Variants in CFAP418 observed in about 807,000 individuals in gnomAD.
The protein encoded by CFAP418 is cilia and flagella associated protein 418, also known as cilia- and flagella-associated protein 418.
A neutral mutation model predicts 24.7 loss-of-function variants in CFAP418; 27 were observed. The ratio of observed to expected loss-of-function variants is 1.09; its 90% CI spans 0.81 to 1.51. The LOEUF is 1.51. Ranked by LOEUF, CFAP418 falls within the 40% of genes most tolerant of loss-of-function variation. The pLI, the probability that CFAP418 is intolerant of heterozygous loss-of-function variation, is 0.00. For missense variants in CFAP418, 257 were observed against 255.2 expected, an observed-to-expected ratio of 1.01 and a Z score of -0.05; for synonymous variants, 74 against 87.3, an observed-to-expected ratio of 0.85 and a Z score of 0.85.
At position 95,245,882 on chromosome 8, in the gene CFAP418, C is replaced by T. The variant is rs1811612339; in HGVS notation, c.*1735G>A. ...ATCTTGTTGCTCTGCTATTTTTTTC[C>T]AGCAGTCGACTTCAATCGACATCCC... On this transcript the variant is annotated 3_prime_UTR_variant, in exon 6 of 6. Transcript: ENST00000286688. 6.7e-6 allele frequency: 1 copy of T among 149,502 alleles called. No individual in the cohort carries two copies. 9.3% of individuals were successfully genotyped at this position (149,502 alleles called of 1,614,324 possible). A position where few individuals can be genotyped will look rare whatever the true frequency, so the allele number is the denominator to read the frequency against.
chr8:95,249,722 A>G (rs569799669), intron 5 of CFAP418, among the ~76,000 whole-genome samples: 1 of 152,244 alleles, frequency 6.6e-6, no homozygotes, highest in East Asian at 1.9e-4. Flanking sequence ...TCTGTAAAAT[A>G]GGACAATAAA....
At chr8:95,262,465 C>A (rs544179323) in intron 2 of CFAP418, among the ~76,000 whole-genome samples, 35 of 152,220 alleles carry the variant, frequency 2.3e-4, no homozygotes, top group Non-Finnish European at 4.0e-4. Flanking sequence ...TCTTCCCTAT[C>A]CTTTAAAAAA....
intron 1 of CFAP418, among the ~76,000 whole-genome samples, chr8:95,266,636 A>T (rs553485325): frequency 7.9e-5 from 12 of 152,338 alleles, no homozygotes; most frequent in East Asian, 1.9e-4. Context: ...AATATATAAC[A>T]TTATAAACCA....
intron 4 of CFAP418, among the ~76,000 whole-genome samples, chr8:95,253,233 C>A (rs1026368068): frequency 3.9e-5 from 6 of 151,950 alleles, no homozygotes; most frequent in African/African-American, 1.5e-4. Flanking sequence ...TGGCGTGAAC[C>A]CGGGAGGCGG....
intron 1 of CFAP418, chr8:95,268,812 T>G (rs1213066038): frequency 4.9e-5 from 18 of 366,558 alleles, no homozygotes; most frequent in Non-Finnish European, 7.2e-5. Context: ...CTCTGGGGCA[T>G]GCCGGGGGGC....
At chr8:95,260,154 C>T (rs950930298) in intron 3 of CFAP418, among the ~76,000 whole-genome samples, 1 of 151,998 alleles carries the variant, frequency 6.6e-6, no homozygotes, top group African/African-American at 2.4e-5. Context: ...AATGTGTTTG[C>T]CAAATAATGT....
intron 4 of CFAP418, among the ~76,000 whole-genome samples, chr8:95,257,031 G>T (rs1811801815): frequency 6.6e-6 from 1 of 152,188 alleles, no homozygotes; most frequent in Admixed American, 6.5e-5. Flanking sequence ...CTTCTGAATA[G>T]AGGAGAGGCA....
intron 3 of CFAP418, 107 bp from the exon 4 acceptor site, chr8:95,260,012 G>T: frequency 1.3e-6 from 1 of 765,018 alleles, no homozygotes; most frequent in Non-Finnish European, 2.1e-6. Context: ...TTATGTTCTT[G>T]TAATCAAATT....
chr8:95,247,651 T>A lies in CFAP418; in HGVS notation c.590A>T (p.Asp197Val). ...ACCACAAACCCAGCGAAGCTGATGA[T>A]CTGTCTGAAGGTCAGTCACTTCTTC... Reference protein sequence around the residue: ...TIEEVTDLQTDHQLRWVCGKH With the variant: ...TIEEVTDLQTVHQLRWVCGKH Residue 197 changes from aspartate (D) to valine (V), a missense_variant, in exon 6 of 6, where the codon GAT becomes GTT. Asp to Val is a radical substitution (Grantham distance 152). Transcript: ENST00000286688. 2 of 1,614,228 alleles carry A rather than the reference T, an allele frequency of 1.2e-6. No individual in the cohort carries two copies. Among genetic ancestry groups the A allele is most frequent in the Non-Finnish European group, 1.7e-6 (2 of 1,180,030 alleles).
chr8:95,257,289 CAG>C (rs988094810), intron 4 of CFAP418, among the ~76,000 whole-genome samples: 3 of 152,166 alleles, frequency 2.0e-5, no homozygotes, highest in African/African-American at 4.8e-5. Context: ...TTTTTTTGTA[CAG>C]AGAGTCCTCA....
chr8:95,252,095 G>T, intron 5 of CFAP418, 93 bp downstream of exon 5: 2 of 916,694 alleles, frequency 2.2e-6, no homozygotes, highest in Non-Finnish European at 3.5e-6. Flanking sequence ...AAGCCCACAA[G>T]ATCTGGCTGA....
chr8:95,258,135 C>A (rs1811823307), intron 4 of CFAP418, among the ~76,000 whole-genome samples: 1 of 152,120 alleles, frequency 6.6e-6, no homozygotes, highest in Non-Finnish European at 1.5e-5. Context: ...GTAATCCCAG[C>A]ACCGTGGGAG....
chr8:95,252,536 T>C (rs936120539), intron 4 of CFAP418, among the ~76,000 whole-genome samples: 2 of 152,224 alleles, frequency 1.3e-5, no homozygotes, highest in East Asian at 3.8e-4. Flanking sequence ...ATATATTATA[T>C]AGATATGAAA....
Position 95,247,733 on chromosome 8 carries a change from A to G in CFAP418, c.508T>C (p.Leu170=). 1 of 1,612,070 alleles carries G rather than the reference A, an allele frequency of 6.2e-7. No individual in the cohort carries two copies. Among genetic ancestry groups the G allele is most frequent in the Non-Finnish European group, 8.5e-7 (1 of 1,179,074 alleles). ...MPEFHKLKAK[L]IKKKGTRAYA... ...GCCCGTGTTCCTTTCTTCTTTATCAACTTTGCTTTTAATTTGTGAAATTCT... is the reference window on the plus strand; with the variant it reads ...GCCCGTGTTCCTTTCTTCTTTATCAGCTTTGCTTTTAATTTGTGAAATTCT... Residue 170 remains leucine (L), a synonymous_variant, in exon 6 of 6, where the codon TTG becomes CTG. Transcript: ENST00000286688.
chr8:95,261,005 A>G (rs192023604), intron 2 of CFAP418, among the ~76,000 whole-genome samples: 1 of 152,214 alleles, frequency 6.6e-6, no homozygotes, highest in African/African-American at 2.4e-5. Context: ...GATCAAATGG[A>G]ATGGCATCAA....
chr8:95,255,785 T>C (rs911394280), intron 4 of CFAP418, among the ~76,000 whole-genome samples: 1 of 152,236 alleles, frequency 6.6e-6, no homozygotes, highest in Non-Finnish European at 1.5e-5. Context: ...GGTTTTTCTC[T>C]TGTGGAGCAG....
Position 95,245,476 on chromosome 8 carries a change from G to A in CFAP418, c.*2141C>T, listed in dbSNP as rs1203098280. The stretch of plus-strand genomic sequence containing the variant: ...ACCAGGACAACTTTGTCCCTTCAAA[G>A]TAGAGGCAATGTAGGCTACTTTGGG... On this transcript the variant is annotated 3_prime_UTR_variant, in exon 6 of 6. Coordinates refer to ENST00000286688, the MANE Select transcript of CFAP418 (RefSeq NM_177965.4). 3 of 152,120 alleles carry A rather than the reference G, an allele frequency of 2.0e-5. No homozygotes were observed. Among genetic ancestry groups the A allele is most frequent in the African/African-American group, 7.2e-5 (3 of 41,422 alleles). 9.4% of individuals were successfully genotyped at this position (152,120 alleles called of 1,614,324 possible). A position where few individuals can be genotyped will look rare whatever the true frequency, so the allele number is the denominator to read the frequency against.
At chr8:95,254,239 C>T (rs1811752862) in intron 4 of CFAP418, among the ~76,000 whole-genome samples, 1 of 152,194 alleles carries the variant, frequency 6.6e-6, no homozygotes, top group South Asian at 2.1e-4. Flanking sequence ...CTTATTACTG[C>T]CACCATGCTT....
intron 1 of CFAP418, among the ~76,000 whole-genome samples, chr8:95,268,023 T>G (rs1483336456): frequency 1.3e-5 from 2 of 152,256 alleles, no homozygotes; most frequent in Non-Finnish European, 2.9e-5. Flanking sequence ...GTCCTTAAAT[T>G]TCCATATGTA....
Sources: gnomAD v4.1 joint callset for allele counts (sites outside exome capture counted in the v4.1 genomes callset) on GRCh38, gnomAD v4.1.1 for gene constraint, MANE v1.5 for transcripts, NCBI Gene and HGNC (gene_info 2026-07-23, HGNC 2026-07-21) for gene names.